Variants in ARFGEF3 observed in about 807,000 individuals in gnomAD.
ARFGEF3 encodes the protein brefeldin A-inhibited guanine nucleotide-exchange protein 3.
ARFGEF3 carries 96 observed loss-of-function variants against 221.7 expected under a neutral mutation model. The observed-to-expected ratio is 0.43, with a 90% CI of 0.37 to 0.51. ARFGEF3 has a LOEUF of 0.51. Among genes scored for constraint, ARFGEF3 ranks in the 20% least tolerant of loss-of-function variants. The probability of loss-of-function intolerance (pLI) is 0.00; values close to 1 mark genes in which losing one functional copy is unlikely to be tolerated. For synonymous variants in ARFGEF3, 1,145 were observed against 1,126.8 expected, an observed-to-expected ratio of 1.02 and a Z score of -0.32; for missense variants, 2,410 against 2,789.9, an observed-to-expected ratio of 0.86 and a Z score of 3.07.
At chr6:138,324,200 T>C in intron 31 of ARFGEF3, 46 bp downstream of exon 31, 2 of 1,587,690 alleles carry the variant, frequency 1.3e-6, no homozygotes, top group Non-Finnish European at 1.7e-6. Context: ...AAACTCGAAG[T>C]GCATGTTGGG....
chr6:138,268,264 A>G (rs1778933880), intron 12 of ARFGEF3, among the ~76,000 whole-genome samples: 1 of 152,254 alleles, frequency 6.6e-6, no homozygotes, highest in Non-Finnish European at 1.5e-5. Flanking sequence ...ATGAAAGTAA[A>G]AACAGAAGAG....
At chr6:138,203,354 A>G (rs1353147136) in intron 2 of ARFGEF3, among the ~76,000 whole-genome samples, 1 of 152,224 alleles carries the variant, frequency 6.6e-6, no homozygotes, top group African/African-American at 2.4e-5. Flanking sequence ...TCTGAACCTC[A>G]ATTTTCTCAA....
chr6:138,266,027 G>C (rs897205592), intron 12 of ARFGEF3, among the ~76,000 whole-genome samples: 8 of 151,974 alleles, frequency 5.3e-5, no homozygotes, highest in African/African-American at 1.9e-4. Flanking sequence ...ACCAGCCTAG[G>C]CAACATAGGG....
At chr6:138,168,019 C>A (rs560438449) in intron 1 of ARFGEF3, among the ~76,000 whole-genome samples, 2 of 152,308 alleles carry the variant, frequency 1.3e-5, no homozygotes, top group African/African-American at 4.8e-5. Context: ...CCACACTGAT[C>A]TTCTTTCAGT....
intron 8 of ARFGEF3, among the ~76,000 whole-genome samples, chr6:138,249,987 C>G (rs1376502381): frequency 6.6e-6 from 1 of 152,204 alleles, no homozygotes; most frequent in Non-Finnish European, 1.5e-5. Flanking sequence ...TGTTCATTCT[C>G]CTTGCTAAGT....
intron 14 of ARFGEF3, among the ~76,000 whole-genome samples, chr6:138,281,311 C>CTA (rs111662311): frequency 3.3e-5 from 5 of 152,238 alleles, no homozygotes; most frequent in African/African-American, 9.6e-5. Flanking sequence ...AGTTCTCTCT[C>CTA]TATATATAAT....
At chr6:138,279,250 T>G (rs1779154784) in intron 13 of ARFGEF3, among the ~76,000 whole-genome samples, 1 of 152,198 alleles carries the variant, frequency 6.6e-6, no homozygotes, top group Non-Finnish European at 1.5e-5. Context: ...ACTCCTGGGC[T>G]CAAGCAATCC....
intron 4 of ARFGEF3, chr6:138,217,266 G>A (rs752626512): frequency 2.0e-5 from 3 of 152,078 alleles, no homozygotes; most frequent in Non-Finnish European, 4.4e-5. Context: ...AAATGCAGAG[G>A]CCCTCATCAC....
At position 138,334,979 on chromosome 6, in the gene ARFGEF3, G is replaced by A. The variant is rs1043926641; in HGVS notation, c.6133G>A (p.Val2045Ile). 2 of 1,585,834 alleles carry A rather than the reference G, an allele frequency of 1.3e-6. No homozygotes were observed. Among genetic ancestry groups the A allele is most frequent in the African/African-American group, 2.7e-5 (2 of 74,248 alleles). ...QHNLSAFPKE[V>I]KVEKKGEPLG... The stretch of plus-strand genomic sequence containing the variant: ...CAACCTGTCCGCGTTCCCCAAAGAG[G>A]TCAAAGTGGAGAAGAAAGGAGAGCC... Residue 2045 changes from valine to isoleucine, a missense_variant, in exon 33 of 34, where the codon GTC (valine) becomes ATC (isoleucine). Coordinates refer to ENST00000251691, the MANE Select transcript of ARFGEF3 (RefSeq NM_020340.5). This position sits in a 1 kb window ranked among gnomAD's most constrained non-coding sequence, Gnocchi z 5.1.
chr6:138,317,826 G>C (rs1256342123), intron 27 of ARFGEF3, among the ~76,000 whole-genome samples: 1 of 152,164 alleles, frequency 6.6e-6, no homozygotes, highest in African/African-American at 2.4e-5. Context: ...TATTAAGGCA[G>C]CAACACCCCG....
At position 138,336,463 on chromosome 6, in the gene ARFGEF3, C is replaced by T. The variant is rs750468137; in HGVS notation, c.6511C>T (p.Arg2171Cys). 6.2e-7 allele frequency: 1 copy of T among 1,610,246 alleles called. No homozygotes were observed. The highest frequency in any genetic ancestry group is 8.5e-7 in the Non-Finnish European group (1 of 1,178,254). The part of the protein sequence containing the change: ...AVREWLGRVG[R>C]VYDIIV ...GAGGGAGTGGCTGGGCAGGGTGGGC[C>T]GTGTCTATGACATCATTGTGTAGCC... The change falls in exon 34 of 34, where the codon CGT becomes TGT. Residue 2171 changes from arginine to cysteine, a missense_variant. Physicochemically the swap from Arg to Cys is radical, Grantham distance 180 (BLOSUM62 -3). Around this residue, in one of 5 missense-constraint regions of ARFGEF3, gnomAD observed 339 missense variants for 334.9 expected, o/e 1.01. Coordinates refer to ENST00000251691, the MANE Select transcript of ARFGEF3 (RefSeq NM_020340.5).
intron 32 of ARFGEF3, among the ~76,000 whole-genome samples, chr6:138,331,941 A>T (rs753251189): frequency 6.6e-6 from 1 of 152,024 alleles, no homozygotes; most frequent in Non-Finnish European, 1.5e-5. Flanking sequence ...ACCTAAGGTA[A>T]AGGGAATTTG....
At chr6:138,233,193 G>A (rs1290086884) in intron 5 of ARFGEF3, among the ~76,000 whole-genome samples, 1 of 151,986 alleles carries the variant, frequency 6.6e-6, no homozygotes, top group Non-Finnish European at 1.5e-5. Flanking sequence ...TCTTTTCTGA[G>A]CATTATATAT....
intron 32 of ARFGEF3, among the ~76,000 whole-genome samples, chr6:138,331,957 C>A (rs1780235401): frequency 1.3e-5 from 2 of 152,002 alleles, no homozygotes; most frequent in East Asian, 1.9e-4. Flanking sequence ...ATTTGCTGTC[C>A]TTTTTTACAT....
chr6:138,331,199 T>C (rs1780221275), intron 32 of ARFGEF3, among the ~76,000 whole-genome samples: 1 of 152,242 alleles, frequency 6.6e-6, no homozygotes, highest in Admixed American at 6.5e-5. Flanking sequence ...GCATGGCTCA[T>C]AAATTTACTT....
At chr6:138,280,219 C>T in intron 14 of ARFGEF3, 55 bp downstream of exon 14, 1 of 1,543,134 alleles carries the variant, frequency 6.5e-7, no homozygotes, top group Middle Eastern at 1.7e-4. Flanking sequence ...ACGGCTCACG[C>T]TTTAAAGCCT....
chr6:138,193,145 C>T (rs1777342509), intron 2 of ARFGEF3, among the ~76,000 whole-genome samples: 1 of 152,208 alleles, frequency 6.6e-6, no homozygotes, highest in Non-Finnish European at 1.5e-5. Context: ...TGTGACTTCC[C>T]TATCAGGTCA....
chr6:138,197,592 A>G (rs1420651926), intron 2 of ARFGEF3, among the ~76,000 whole-genome samples: 1 of 152,176 alleles, frequency 6.6e-6, no homozygotes, highest in Non-Finnish European at 1.5e-5. Context: ...GACAGCTATG[A>G]TAGGAAATTT....
At chr6:138,268,774 C>G (rs984483293) in intron 12 of ARFGEF3, among the ~76,000 whole-genome samples, 1 of 152,140 alleles carries the variant, frequency 6.6e-6, no homozygotes, top group Non-Finnish European at 1.5e-5. Flanking sequence ...CTTAGAGTAG[C>G]GGTTTTCAGT....
Sources: gnomAD v4.1 joint callset for allele counts (sites outside exome capture counted in the v4.1 genomes callset) on GRCh38, gnomAD v4.1.1 for gene constraint, gnomAD v4.1.1 regional missense constraint, Gnocchi (gnomAD v3.1) non-coding constraint, MANE v1.5 for transcripts, NCBI Gene and HGNC (gene_info 2026-07-23, HGNC 2026-07-21) for gene names.